Variants in BMP5 observed in about 807,000 individuals in gnomAD.
BMP5 encodes the protein bone morphogenetic protein 5.
A neutral mutation model predicts 46.6 loss-of-function variants in BMP5; 23 were observed. The ratio of observed to expected loss-of-function variants is 0.49; its 90% CI spans 0.35 to 0.70. The LOEUF (loss-of-function observed/expected upper bound fraction) is 0.70, where lower values mean the gene tolerates loss of function less well. Among genes scored for constraint, BMP5 ranks in the 30% least tolerant of loss-of-function variants. BMP5 has a pLI of 0.00. For missense variants in BMP5, 545 were observed against 565.6 expected, an observed-to-expected ratio of 0.96 and a Z score of 0.37; for synonymous variants, 204 against 191.9, an observed-to-expected ratio of 1.06 and a Z score of -0.52.
In BMP5 at chr6:55,874,644, C is replaced by A; in HGVS notation, c.222G>T (p.Ala74=). 3 of 1,613,536 alleles carry A rather than the reference C, an allele frequency of 1.9e-6. No individual in the cohort carries two copies. Among genetic ancestry groups the A allele is most frequent in the African/African-American group, 1.3e-5 (1 of 74,910 alleles). The change falls in exon 1 of 7, where the codon GCG becomes GCT. Residue 74 remains alanine (A), a synonymous_variant. Transcript: ENST00000370830. The part of the protein sequence containing the change: ...RPRPFSPGKQ[A]SSAPLFMLDL... ...CCAGCATAAAGAGAGGTGCAGAGGA[C>A]GCTTGTTTTCCAGGTGAAAATGGTC...
At chr6:55,863,004 A>C (rs1777558898) in intron 1 of BMP5, among the ~76,000 whole-genome samples, 1 of 152,200 alleles carries the variant, frequency 6.6e-6, no homozygotes, top group East Asian at 1.9e-4. Context: ...AAATCCTGGC[A>C]CAAGAATGAA....
intron 1 of BMP5, among the ~76,000 whole-genome samples, chr6:55,835,788 G>A (rs1776779774): frequency 6.6e-6 from 1 of 152,096 alleles, no homozygotes; most frequent in Non-Finnish European, 1.5e-5. Context: ...CTTGAAAATC[G>A]CTTCAGTGGC....
At chr6:55,866,775 C>T (rs566737388) in intron 1 of BMP5, among the ~76,000 whole-genome samples, 9 of 152,182 alleles carry the variant, frequency 5.9e-5, no homozygotes, top group African/African-American at 1.9e-4. Flanking sequence ...TAATATATCA[C>T]CTGAAATTAT....
chr6:55,852,180 A>T lies in BMP5; in HGVS notation c.490+22196T>A, dbSNP rs115459036. ...ATAGCAATATATAAAATATTAAAATATTTAGTAGGGCTTTAAAATGTACAT... is the reference window on the plus strand; with the variant it reads ...ATAGCAATATATAAAATATTAAAATTTTTAGTAGGGCTTTAAAATGTACAT... On this transcript the variant is annotated intron_variant, in intron 1 of 6. Transcript: ENST00000370830. Among the ~76,000 whole-genome samples the T allele has an allele frequency of 6.0e-3, 920 of 152,214 alleles. 5 individuals carry two copies. Among genetic ancestry groups the T allele is most frequent in the Non-Finnish European group, 9.3e-3 (630 of 67,986 alleles).
At chr6:55,813,701 A>G (rs1407372600) in intron 2 of BMP5, among the ~76,000 whole-genome samples, 2 of 151,522 alleles carry the variant, frequency 1.3e-5, no homozygotes, top group Admixed American at 6.6e-5. Context: ...GCAGGAGAAC[A>G]GCGTGAACCA....
chr6:55,800,980 C>G (rs193246095), intron 2 of BMP5, among the ~76,000 whole-genome samples: 1 of 152,270 alleles, frequency 6.6e-6, no homozygotes, highest in East Asian at 1.9e-4. Flanking sequence ...TTGATCTGAG[C>G]CACTAGCCTA....
chr6:55,790,664 T>C (rs1381694296), intron 3 of BMP5, among the ~76,000 whole-genome samples: 1 of 152,202 alleles, frequency 6.6e-6, no homozygotes, highest in African/African-American at 2.4e-5. Flanking sequence ...ATAGTGTGCA[T>C]TTACTTACTG....
chr6:55,875,547 C>A lies in BMP5; in HGVS notation c.-682G>T, dbSNP rs575927714. The A allele has an allele frequency of 6.5e-6, 1 of 152,904 alleles. No individual in the cohort carries two copies. Among genetic ancestry groups the A allele is most frequent in the South Asian group, 2.1e-4 (1 of 4,858 alleles). 9.5% of individuals were successfully genotyped at this position (152,904 alleles called of 1,614,324 possible). ...TTCTTACTGTTAATTCCACCTCCAGCAGGCACAAATATACCAGCCCTCTTC... is the reference window on the plus strand; with the variant it reads ...TTCTTACTGTTAATTCCACCTCCAGAAGGCACAAATATACCAGCCCTCTTC... On this transcript the variant is annotated 5_prime_UTR_variant, in exon 1 of 7. Transcript: ENST00000370830.
intron 1 of BMP5, among the ~76,000 whole-genome samples, chr6:55,832,406 C>G (rs1168865985): frequency 1.3e-5 from 2 of 152,140 alleles, no homozygotes; most frequent in Non-Finnish European, 2.9e-5. Flanking sequence ...CAATACCTCC[C>G]CAGAAAAGAG....
chr6:55,818,939 TAGATAGAC>T (rs1441646434), intron 2 of BMP5, among the ~76,000 whole-genome samples: 271 of 151,166 alleles, frequency 1.8e-3, no homozygotes, highest in African/African-American at 3.0e-3. Flanking sequence ...GATAGATAGA[TAGATAGAC>T]AGACAGACAG....
intron 1 of BMP5, among the ~76,000 whole-genome samples, chr6:55,827,279 C>T (rs1232186027): frequency 6.6e-6 from 1 of 151,588 alleles, no homozygotes; most frequent in Non-Finnish European, 1.5e-5. Flanking sequence ...TTCCTCTGAC[C>T]TGAGTGCTCT....
chr6:55,873,372 A>G (rs755079237), intron 1 of BMP5, among the ~76,000 whole-genome samples: 6 of 151,942 alleles, frequency 3.9e-5, no homozygotes, highest in Non-Finnish European at 5.9e-5. Flanking sequence ...AAATTTGTTG[A>G]TAGAGTTTTT....
intron 1 of BMP5, among the ~76,000 whole-genome samples, chr6:55,857,936 C>G (rs1021559905): frequency 2.0e-5 from 3 of 152,046 alleles, no homozygotes; most frequent in Admixed American, 6.6e-5. Flanking sequence ...CAGGGTTTCA[C>G]CATGCTGGCC....
intron 1 of BMP5, among the ~76,000 whole-genome samples, chr6:55,865,171 A>G (rs1436722242): frequency 6.6e-6 from 1 of 152,196 alleles, no homozygotes; most frequent in Non-Finnish European, 1.5e-5. Context: ...CTTAAAAATT[A>G]AAACCCTCAA....
intron 1 of BMP5, among the ~76,000 whole-genome samples, chr6:55,845,885 C>T (rs554790951): frequency 5.9e-5 from 9 of 151,988 alleles, no homozygotes; most frequent in African/African-American, 2.2e-4. Context: ...AACAAGAACA[C>T]CAAATCCAAT....
intron 1 of BMP5, among the ~76,000 whole-genome samples, chr6:55,857,901 C>T (rs111345206): frequency 6.6e-6 from 1 of 152,030 alleles, no homozygotes; most frequent in African/African-American, 2.4e-5. Context: ...CCAGGCCTGG[C>T]TAATTTTTGT....
intron 2 of BMP5, among the ~76,000 whole-genome samples, chr6:55,817,179 G>A (rs1776292054): frequency 6.6e-6 from 1 of 152,170 alleles, no homozygotes; most frequent in Non-Finnish European, 1.5e-5. Flanking sequence ...AACCATTGTG[G>A]AAGATACTGT....
At chr6:55,810,165 G>A (rs1776094997) in intron 2 of BMP5, among the ~76,000 whole-genome samples, 1 of 152,072 alleles carries the variant, frequency 6.6e-6, no homozygotes. Flanking sequence ...ATTGATCAAT[G>A]TTTTCAAATG....
At chr6:55,819,441 G>A (rs569477766) in intron 2 of BMP5, among the ~76,000 whole-genome samples, 9 of 152,240 alleles carry the variant, frequency 5.9e-5, no homozygotes, top group Admixed American at 3.9e-4. Context: ...TTTAGTATAC[G>A]AATTGGTGTC....
Sources: gnomAD v4.1 joint callset for allele counts (sites outside exome capture counted in the v4.1 genomes callset) on GRCh38, gnomAD v4.1.1 for gene constraint, MANE v1.5 for transcripts, NCBI Gene and HGNC (gene_info 2026-07-23, HGNC 2026-07-21) for gene names.